Variants in MORF4L1 observed in about 807,000 individuals in gnomAD.
MORF4L1 encodes mortality factor 4-like protein 1.
A neutral mutation model predicts 52.9 loss-of-function variants in MORF4L1; 4 were observed. The ratio of observed to expected loss-of-function variants is 0.08; its 90% CI spans 0.04 to 0.17. The LOEUF (loss-of-function observed/expected upper bound fraction) is 0.17. Among genes scored for constraint, MORF4L1 ranks in the 10% least tolerant of loss-of-function variants. MORF4L1 has a pLI of 1.00. For synonymous variants in MORF4L1, 123 were observed against 134.8 expected (o/e 0.91, Z 0.61); for missense variants, 214 against 390.4 (o/e 0.55, Z 3.81).
At position 78,872,909 on chromosome 15, in the gene MORF4L1, G is replaced by C; in HGVS notation, c.-109G>C. The C allele has an allele frequency of 2.7e-6, 4 of 1,490,026 alleles. No individual in the cohort carries two copies. Among genetic ancestry groups the C allele is most frequent in the Non-Finnish European group, 3.6e-6 (4 of 1,121,860 alleles). The allele number at this position is 1,490,026 out of a possible 1,614,324, so 92.3% of individuals were successfully genotyped here. A position where few individuals can be genotyped will look rare whatever the true frequency, so the allele number is the denominator to read the frequency against. The stretch of plus-strand genomic sequence containing the variant: ...GCTGGCAAATCCGGCCCAGGATGTA[G>C]AGCTGGCAGTGCCTGACGGCGCGTC... On this transcript the variant is annotated 5_prime_UTR_variant, in exon 1 of 12. It removes the in-frame stop codon of an upstream open reading frame in the 5' UTR. Transcript: ENST00000426013.
At chr15:78,895,304 C>G (rs960123257) in intron 11 of MORF4L1, among the ~76,000 whole-genome samples, 1 of 138,704 alleles carries the variant, frequency 7.2e-6, no homozygotes, top group African/African-American at 2.7e-5. Flanking sequence ...ACCTTTAATA[C>G]ACACAGAGTT....
Position 78,897,117 on chromosome 15 carries a change from T to G in MORF4L1, c.*50T>G, listed in dbSNP as rs766468209. ...TGGATCTCCGTAAACACATTTTTGT[T>G]CTTAGTCTATCTCTTGTACAAACGA... On this transcript the variant is annotated 3_prime_UTR_variant, in exon 12 of 12. Coordinates refer to ENST00000426013, the MANE Select transcript of MORF4L1 (RefSeq NM_006791.4). The G allele has an allele frequency of 5.5e-5, 76 of 1,380,472 alleles. No individual in the cohort carries two copies. The highest frequency in any genetic ancestry group is 6.7e-5 in the Non-Finnish European group (65 of 970,976). The allele number at this position is 1,380,472 out of a possible 1,614,324, so 85.5% of individuals were successfully genotyped here. A position where few individuals can be genotyped will look rare whatever the true frequency, so the allele number is the denominator to read the frequency against.
intron 1 of MORF4L1, 104 bp downstream of exon 1, chr15:78,873,161 T>G: frequency 6.5e-7 from 1 of 1,536,482 alleles, no homozygotes; most frequent in Non-Finnish European, 8.8e-7. Context: ...GGCTGCGCCC[T>G]GAGAAGGCGG....
chr15:78,886,333 A>C, intron 4 of MORF4L1, 106 bp downstream of exon 4: 1 of 974,800 alleles, frequency 1.0e-6, no homozygotes, highest in East Asian at 2.5e-5. Flanking sequence ...CTATAAAATG[A>C]TTCCTGGTAC....
chr15:78,889,342 G>T (rs1028763885), intron 5 of MORF4L1, among the ~76,000 whole-genome samples: 12 of 152,274 alleles, frequency 7.9e-5, no homozygotes, highest in Admixed American at 7.8e-4. Flanking sequence ...TCAGATTCCA[G>T]ACTTTTTTTG....
At chr15:78,877,922 C>T (rs937434283) in intron 1 of MORF4L1, 3 of 290,404 alleles carry the variant, frequency 1.0e-5, no homozygotes, top group South Asian at 1.3e-4. Context: ...CAACCAACCT[C>T]GACAGCTTTG....
chr15:78,889,122 T>C (rs1396853661), intron 5 of MORF4L1, among the ~76,000 whole-genome samples: 1 of 152,320 alleles, frequency 6.6e-6, no homozygotes, highest in East Asian at 1.9e-4. Context: ...ACTACAAAAA[T>C]AATGGCTGAG....
At chr15:78,892,720 A>G (rs947868812) in intron 8 of MORF4L1, 1 of 155,324 alleles carries the variant, frequency 6.4e-6, no homozygotes, top group Non-Finnish European at 1.4e-5. Context: ...ATCTATTGTT[A>G]GTTTGCAGGA....
At chr15:78,886,414 C>T (rs2056704193) in intron 4 of MORF4L1, 187 bp downstream of exon 4, 2 of 600,816 alleles carry the variant, frequency 3.3e-6, no homozygotes. Flanking sequence ...AGTAGCATAC[C>T]TGCCATTACT....
rs1256652345 is a variant in MORF4L1 at position 78,897,460 on chromosome 15, CTG to C, written c.*394_*395del. The C allele has an allele frequency of 6.3e-6, 1 of 158,196 alleles. No individual in the cohort carries two copies. Among genetic ancestry groups the C allele is most frequent in the African/African-American group, 2.4e-5 (1 of 41,508 alleles). The allele number at this position is 158,196 out of a possible 1,614,324, so 9.8% of individuals were successfully genotyped here. A position where few individuals can be genotyped will look rare whatever the true frequency, so the allele number is the denominator to read the frequency against. ...CAAAGGTTCAATTCAGTGTATATAA[CTG>C]AACACACTCATCCATTTGTGCTTTT... On this transcript the variant is annotated 3_prime_UTR_variant, in exon 12 of 12. Coordinates refer to ENST00000426013, the MANE Select transcript of MORF4L1 (RefSeq NM_006791.4).
chr15:78,890,834 A>T, intron 5 of MORF4L1, 155 bp from the exon 6 acceptor site: 1 of 643,918 alleles, frequency 1.6e-6, no homozygotes, highest in Non-Finnish European at 2.2e-6. Context: ...ACCAACTATC[A>T]ATAAAAATCC....
In MORF4L1 at chr15:78,897,983, CTG is replaced by C. The variant is rs1400784019; in HGVS notation, c.*917_*918del. On this transcript the variant is annotated 3_prime_UTR_variant, in exon 12 of 12. Transcript: ENST00000426013. ...TATTTTCCCTAAATTATTACTTACT[CTG>C]AGCATTAATTAAGGGCATTTTCACC... is the stretch of plus-strand genomic sequence containing the variant. 2.0e-5 allele frequency: 3 copies of C among 152,036 alleles called. No homozygotes were observed. Among genetic ancestry groups the C allele is most frequent in the African/African-American group, 7.3e-5 (3 of 41,324 alleles). The allele number at this position is 152,036 out of a possible 1,614,324, so 9.4% of individuals were successfully genotyped here.
chr15:78,882,459 T>C (rs1171927603), intron 3 of MORF4L1, among the ~76,000 whole-genome samples: 1 of 152,214 alleles, frequency 6.6e-6, no homozygotes, highest in Admixed American at 6.5e-5. Flanking sequence ...AGAAGTAAAC[T>C]GTGCTTTTAG....
chr15:78,881,497 TTGTG>T (rs3971696), intron 3 of MORF4L1, among the ~76,000 whole-genome samples: 26,669 of 151,212 alleles, frequency 0.18, 3,108 homozygotes, highest in East Asian at 0.64. Context: ...CCCGGCCTTT[TTGTG>T]TGTGTGTGTG....
chr15:78,894,321 T>C, intron 10 of MORF4L1, 91 bp downstream of exon 10: 5 of 1,008,378 alleles, frequency 5.0e-6, no homozygotes, highest in Non-Finnish European at 7.0e-6. Flanking sequence ...TTCCAAAACA[T>C]GACTCCCATT....
intron 3 of MORF4L1, among the ~76,000 whole-genome samples, chr15:78,881,151 A>C (rs1353333910): frequency 6.9e-6 from 1 of 144,698 alleles, no homozygotes; most frequent in Non-Finnish European, 1.5e-5. Context: ...GAAACATTCA[A>C]TTATAGAGTC....
chr15:78,896,362 A>G (rs569957782), intron 11 of MORF4L1, among the ~76,000 whole-genome samples: 53 of 120,832 alleles, frequency 4.4e-4, no homozygotes, highest in African/African-American at 1.7e-3. Flanking sequence ...TCCATGCTGG[A>G]GTACAGTGGC....
intron 3 of MORF4L1, among the ~76,000 whole-genome samples, chr15:78,885,610 T>A (rs2056688412): frequency 1.3e-5 from 2 of 152,376 alleles, no homozygotes; most frequent in South Asian, 4.1e-4. Flanking sequence ...GTTTCTGACA[T>A]ACCTTTAGTG....
At chr15:78,893,951 G>A (rs1025208834) in intron 9 of MORF4L1, 107 bp from the exon 10 acceptor site, 13 of 1,102,148 alleles carry the variant, frequency 1.2e-5, no homozygotes, top group Middle Eastern at 2.1e-4. Flanking sequence ...TCTCAGCTAT[G>A]GTTCATTATT....
Sources: allele counts gnomAD v4.1 joint callset (sites outside exome capture counted in the v4.1 genomes callset), GRCh38; gene constraint gnomAD v4.1.1; transcripts MANE v1.5; gene names NCBI Gene and HGNC (gene_info 2026-07-23, HGNC 2026-07-21).